Variants in DNER observed in about 807,000 individuals in gnomAD.
DNER encodes the protein delta/notch like EGF repeat containing.
DNER carries 33 observed loss-of-function variants against 78.2 expected under a neutral mutation model. The observed-to-expected ratio is 0.42, with a 90% CI of 0.32 to 0.56. The LOEUF is 0.56. Among genes scored for constraint, DNER ranks in the 20% least tolerant of loss-of-function variants. DNER has a pLI of 0.11. For synonymous variants in DNER, 417 were observed against 384.8 expected (o/e 1.08, Z -0.98); for missense variants, 918 against 975.3 (o/e 0.94, Z 0.78).
intron 11 of DNER, among the ~76,000 whole-genome samples, chr2:229,376,222 G>T (rs1692597289): frequency 6.6e-6 from 1 of 152,288 alleles, no homozygotes; most frequent in Non-Finnish European, 1.5e-5. Flanking sequence ...ATTAAGAGAT[G>T]TAGTCTTTGG....
intron 1 of DNER, among the ~76,000 whole-genome samples, chr2:229,608,252 C>T (rs1371136963): frequency 6.6e-6 from 1 of 152,036 alleles, no homozygotes; most frequent in Admixed American, 6.5e-5. Context: ...CAAATGTGGC[C>T]CATCACCCAA....
At chr2:229,541,849 T>C (rs1696520086) in intron 5 of DNER, among the ~76,000 whole-genome samples, 1 of 147,102 alleles carries the variant, frequency 6.8e-6, no homozygotes, top group South Asian at 2.1e-4. Flanking sequence ...CATATATATA[T>C]ATGTGATTAT....
intron 1 of DNER, among the ~76,000 whole-genome samples, chr2:229,647,785 A>C (rs1435643593): frequency 1.3e-5 from 2 of 152,220 alleles, no homozygotes; most frequent in African/African-American, 2.4e-5. Context: ...AGATCCTCAT[A>C]AGAATTTTAA....
chr2:229,430,759 G>A (rs1485780490), intron 8 of DNER, among the ~76,000 whole-genome samples: 2 of 149,858 alleles, frequency 1.3e-5, no homozygotes, highest in Admixed American at 6.6e-5. Flanking sequence ...ATGTTTTATG[G>A]GTATTTTATT....
chr2:229,556,213 A>C lies in DNER; in HGVS notation c.848-9121T>G, dbSNP rs553104356. 3.9e-5 allele frequency among the ~76,000 whole-genome samples: 6 copies of C among 152,382 alleles called. No homozygotes were observed. In the East Asian group the frequency reaches 1.2e-3, roughly 29 times the overall value. ...ATGAACACTTACTGAACTCGCGTCC[A>C]CCAGTGAGACACCACTGTAAATTCT... On this transcript the variant is annotated intron_variant, in intron 4 of 12. Transcript: ENST00000341772.
chr2:229,468,673 T>G (rs1163948207), intron 7 of DNER, among the ~76,000 whole-genome samples: 2 of 152,202 alleles, frequency 1.3e-5, no homozygotes, highest in Non-Finnish European at 2.9e-5. Flanking sequence ...ATAAAACTCC[T>G]GTCTCCTGCA....
intron 10 of DNER, among the ~76,000 whole-genome samples, chr2:229,402,647 C>T (rs527746625): frequency 6.6e-6 from 1 of 152,322 alleles, no homozygotes; most frequent in South Asian, 2.1e-4. Context: ...TGTCAATGGG[C>T]TTGGAAGAAT....
intron 11 of DNER, among the ~76,000 whole-genome samples, chr2:229,384,555 A>C (rs1208244390): frequency 6.6e-6 from 1 of 152,160 alleles, no homozygotes; most frequent in Non-Finnish European, 1.5e-5. Context: ...TCAGATAGAC[A>C]CAATAAAAAT....
At chr2:229,504,417 G>A (rs1272552292) in intron 6 of DNER, among the ~76,000 whole-genome samples, 4 of 151,770 alleles carry the variant, frequency 2.6e-5, no homozygotes, top group South Asian at 2.1e-4. Flanking sequence ...AGAGGGTTTC[G>A]CCATATTGGC....
intron 1 of DNER, among the ~76,000 whole-genome samples, chr2:229,674,082 G>T (rs1164467750): frequency 6.6e-6 from 1 of 152,212 alleles, no homozygotes; most frequent in South Asian, 2.1e-4. Flanking sequence ...AGAATAGCTG[G>T]TCTCCTCCCC....
intron 10 of DNER, among the ~76,000 whole-genome samples, chr2:229,402,644 G>T (rs965737224): frequency 6.6e-6 from 1 of 152,212 alleles, no homozygotes; most frequent in Non-Finnish European, 1.5e-5. Flanking sequence ...CAATGTCAAT[G>T]GGCTTGGAAG....
chr2:229,520,522 A>C (rs1387919399), intron 5 of DNER, among the ~76,000 whole-genome samples: 1 of 152,200 alleles, frequency 6.6e-6, no homozygotes, highest in African/African-American at 2.4e-5. Context: ...CTGGCTAATG[A>C]GTTGATAATG....
intron 5 of DNER, among the ~76,000 whole-genome samples, chr2:229,536,919 C>G (rs138340160): frequency 6.6e-6 from 1 of 152,292 alleles, no homozygotes. Flanking sequence ...TTTTCTCAAA[C>G]TTTGCTCTGG....
At chr2:229,615,951 T>C (rs1698154528) in intron 1 of DNER, among the ~76,000 whole-genome samples, 2 of 152,202 alleles carry the variant, frequency 1.3e-5, no homozygotes, top group Non-Finnish European at 2.9e-5. Context: ...CAGCGTGGCA[T>C]GGAATGCTTT....
At chr2:229,706,953 G>C (rs1699836646) in intron 1 of DNER, among the ~76,000 whole-genome samples, 1 of 152,076 alleles carries the variant, frequency 6.6e-6, no homozygotes, top group African/African-American at 2.4e-5. Context: ...GAAAGAATGG[G>C]GATGAGAACT....
chr2:229,426,384 T>C (rs1693877750), intron 8 of DNER, among the ~76,000 whole-genome samples: 2 of 130,020 alleles, frequency 1.5e-5, no homozygotes, highest in African/African-American at 3.0e-5. Flanking sequence ...GAGCTTGCAA[T>C]GAGCCAAGAT....
intron 5 of DNER, among the ~76,000 whole-genome samples, chr2:229,528,484 A>C (rs897208694): frequency 6.6e-6 from 1 of 152,224 alleles, no homozygotes; most frequent in Non-Finnish European, 1.5e-5. Context: ...AGATATTTCT[A>C]TCATCCCCAG....
intron 1 of DNER, among the ~76,000 whole-genome samples, chr2:229,630,705 G>T (rs566569692): frequency 3.7e-4 from 57 of 152,126 alleles, no homozygotes; most frequent in African/African-American, 1.2e-3. Flanking sequence ...CATATGCGAT[G>T]CTGAGGTTTG....
intron 1 of DNER, among the ~76,000 whole-genome samples, chr2:229,694,019 C>T (rs1412677230): frequency 1.3e-5 from 2 of 152,232 alleles, no homozygotes; most frequent in Non-Finnish European, 2.9e-5. Context: ...GGCCACCCCA[C>T]TCTTTGCAGC....
Sources: allele counts gnomAD v4.1 joint callset (sites outside exome capture counted in the v4.1 genomes callset), GRCh38; gene constraint gnomAD v4.1.1; transcripts MANE v1.5; gene names NCBI Gene and HGNC (gene_info 2026-07-23, HGNC 2026-07-21).